Variants in KCNH7 observed in about 807,000 individuals in gnomAD.
KCNH7 encodes potassium voltage-gated channel subfamily H member 7.
A neutral mutation model predicts 120.8 loss-of-function variants in KCNH7; 49 were observed. That is an observed-to-expected ratio of 0.41 (90% CI 0.32 to 0.51). The LOEUF is 0.51. Ranked by LOEUF, KCNH7 falls within the 20% of genes least tolerant of loss-of-function variation. The pLI, the probability that KCNH7 is intolerant of heterozygous loss-of-function variation, is 0.38. For synonymous variants in KCNH7, 547 were observed against 516.1 expected (o/e 1.06, Z -0.81); for missense variants, 1,097 against 1,446.6 (o/e 0.76, Z 3.92).
intron 2 of KCNH7, among the ~76,000 whole-genome samples, chr2:162,577,817 CA>C (rs1271075739): frequency 1.3e-5 from 2 of 152,014 alleles, no homozygotes; most frequent in African/African-American, 2.4e-5. Flanking sequence ...GTTTTATTTA[CA>C]AGACTATTGT....
chr2:162,669,642 A>G (rs1297440105), intron 2 of KCNH7, among the ~76,000 whole-genome samples: 2 of 152,194 alleles, frequency 1.3e-5, no homozygotes, highest in Non-Finnish European at 2.9e-5. Context: ...AATATTTGGT[A>G]ATATCTAGAA....
chr2:162,828,223 A>G (rs1049266378), intron 2 of KCNH7, among the ~76,000 whole-genome samples: 1 of 152,156 alleles, frequency 6.6e-6, no homozygotes, highest in Non-Finnish European at 1.5e-5. Context: ...ATATAATCTT[A>G]GTATATGCAA....
intron 12 of KCNH7, among the ~76,000 whole-genome samples, chr2:162,389,445 C>T (rs1245611399): frequency 6.6e-6 from 1 of 151,864 alleles, no homozygotes; most frequent in Non-Finnish European, 1.5e-5. Context: ...TATTCTTGAA[C>T]ATTATTCTTT....
Position 162,518,021 on chromosome 2 carries a change from T to G in KCNH7, c.601A>C (p.Lys201Gln). The part of the protein sequence containing the change: ...SDDSVAMKHF[K>Q]SPTKESCSPS... ...CTGCAGCTTTCTTTTGTAGGAGACT[T>G]AAAATGCTTCATGGCTACTGAATCA... The change falls in exon 4 of 16, where the codon AAG (lysine) becomes CAG (glutamine). Residue 201 changes from lysine to glutamine, a missense_variant. By Grantham distance (53) the Lys-to-Gln change is moderately conservative. This residue lies in a region of KCNH7 where 362 missense variants were observed against 372.2 expected (regional missense o/e 0.97). Coordinates refer to ENST00000332142, the MANE Select transcript of KCNH7 (RefSeq NM_033272.4). The G allele has an allele frequency of 6.2e-7, 1 of 1,612,470 alleles. No homozygotes were observed. Among genetic ancestry groups the G allele is most frequent in the Non-Finnish European group, 8.5e-7 (1 of 1,178,868 alleles).
intron 2 of KCNH7, among the ~76,000 whole-genome samples, chr2:162,748,834 T>TCC (rs1559113781): frequency 0.049 from 1,283 of 26,244 alleles, 117 homozygotes; most frequent in African/African-American, 0.18. Flanking sequence ...TCCCCTCCCC[T>TCC]CCTCTCCCCT....
At chr2:162,810,893 CATT>C (rs1478439141) in intron 2 of KCNH7, among the ~76,000 whole-genome samples, 2 of 152,092 alleles carry the variant, frequency 1.3e-5, no homozygotes, top group Non-Finnish European at 2.9e-5. Context: ...AAGCATATCA[CATT>C]ATAATTGTTC....
At chr2:162,563,900 G>C (rs560191661) in intron 2 of KCNH7, among the ~76,000 whole-genome samples, 1 of 151,994 alleles carries the variant, frequency 6.6e-6, no homozygotes, top group Non-Finnish European at 1.5e-5. Flanking sequence ...TTATTGTGGC[G>C]TTATTTAAGA....
intron 2 of KCNH7, among the ~76,000 whole-genome samples, chr2:162,596,967 T>C (rs1694400150): frequency 6.6e-6 from 1 of 152,060 alleles, no homozygotes; most frequent in Non-Finnish European, 1.5e-5. Context: ...TTAACACTAC[T>C]ATCAGGGAAA....
intron 9 of KCNH7, among the ~76,000 whole-genome samples, chr2:162,415,229 TC>T (rs1558933188): frequency 6.6e-6 from 1 of 152,078 alleles, no homozygotes; most frequent in East Asian, 1.9e-4. Flanking sequence ...CTGGAGCATT[TC>T]CCAGTGTTTC....
At chr2:162,557,222 A>G (rs1379784436) in intron 2 of KCNH7, among the ~76,000 whole-genome samples, 1 of 152,220 alleles carries the variant, frequency 6.6e-6, no homozygotes, top group Admixed American at 6.5e-5. Flanking sequence ...TGATGGGGGT[A>G]TCAGCCAGCA....
At chr2:162,817,381 T>A (rs888668403) in intron 2 of KCNH7, among the ~76,000 whole-genome samples, 6 of 152,320 alleles carry the variant, frequency 3.9e-5, no homozygotes, top group Non-Finnish European at 5.9e-5. Context: ...ATGCATTTTT[T>A]ATATCAATAG....
At chr2:162,520,765 T>A (rs1691495802) in intron 3 of KCNH7, among the ~76,000 whole-genome samples, 1 of 151,818 alleles carries the variant, frequency 6.6e-6, no homozygotes, top group African/African-American at 2.4e-5. Context: ...AGAGACCCTA[T>A]CTCTAAAGAA....
chr2:162,753,976 A>G (rs1295684145), intron 2 of KCNH7, among the ~76,000 whole-genome samples: 1 of 151,928 alleles, frequency 6.6e-6, no homozygotes, highest in Non-Finnish European at 1.5e-5. Context: ...CAATATTTTA[A>G]TATTTACAAT....
rs1429977958 is a variant in KCNH7, at chr2:162,558,453, C to T, written c.308-21373G>A. 4.1e-5 allele frequency among the ~76,000 whole-genome samples: 6 copies of T among 145,656 alleles called. No individual in the cohort carries two copies. In the South Asian group the frequency reaches 1.2e-3, roughly 28 times the overall value. On this transcript the variant is annotated intron_variant, in intron 2 of 15. Transcript: ENST00000332142. Reference sequence around the variant, plus strand: ...CCTCCCAAAGTGCTGGGATTACAGGCGTGAGCCACCGTGCCCGGCCAGGCT... The same window carrying T: ...CCTCCCAAAGTGCTGGGATTACAGGTGTGAGCCACCGTGCCCGGCCAGGCT...
At chr2:162,518,245 C>A in intron 3 of KCNH7, 87 bp from the exon 4 acceptor site, 1 of 979,154 alleles carries the variant, frequency 1.0e-6, no homozygotes. Context: ...CATATTTAAA[C>A]ACCATGTAAA....
intron 2 of KCNH7, among the ~76,000 whole-genome samples, chr2:162,635,089 T>A (rs1032633784): frequency 1.3e-5 from 2 of 152,128 alleles, no homozygotes; most frequent in Non-Finnish European, 2.9e-5. Context: ...GTAGTTACCA[T>A]ATTGGACAGT....
chr2:162,494,338 T>C (rs771595425), intron 6 of KCNH7, among the ~76,000 whole-genome samples: 2 of 152,154 alleles, frequency 1.3e-5, no homozygotes, highest in Non-Finnish European at 2.9e-5. Context: ...ACTCTTTTGG[T>C]AGGCTTCACA....
chr2:162,782,226 G>A (rs930241958), intron 2 of KCNH7, among the ~76,000 whole-genome samples: 3 of 152,088 alleles, frequency 2.0e-5, no homozygotes, highest in Non-Finnish European at 2.9e-5. Context: ...CCTAGTATGC[G>A]AGAAAAGATA....
chr2:162,409,781 C>T (rs1687331470), intron 9 of KCNH7, among the ~76,000 whole-genome samples: 1 of 151,884 alleles, frequency 6.6e-6, no homozygotes. Flanking sequence ...TTTCTATACA[C>T]CGATAACACC....
Sources: gnomAD v4.1 joint callset for allele counts (sites outside exome capture counted in the v4.1 genomes callset) on GRCh38, gnomAD v4.1.1 for gene constraint, gnomAD v4.1.1 regional missense constraint, MANE v1.5 for transcripts, NCBI Gene and HGNC (gene_info 2026-07-23, HGNC 2026-07-21) for gene names.